Variants in FOXP1 observed in about 807,000 individuals in gnomAD.
The protein encoded by FOXP1 is forkhead box protein P1.
In FOXP1, 15 loss-of-function variants were observed where a neutral mutation model predicts 98.2. The ratio of observed to expected loss-of-function variants is 0.15; its 90% CI spans 0.10 to 0.24. The LOEUF is 0.24. FOXP1 is among the 10% of genes least tolerant of loss of function. FOXP1 has a pLI of 1.00. For synonymous variants in FOXP1, 371 were observed against 314.5 expected, an observed-to-expected ratio of 1.18 and a Z score of -1.90; for missense variants, 633 against 848.5, an observed-to-expected ratio of 0.75 and a Z score of 3.15.
intron 2 of FOXP1, among the ~76,000 whole-genome samples, chr3:71,529,047 A>T (rs2043619386): frequency 6.6e-6 from 1 of 152,226 alleles, no homozygotes; most frequent in Admixed American, 6.5e-5. Flanking sequence ...CTCACCTTAG[A>T]ATTCAATACA....
At chr3:71,470,768 A>G (rs1412415489) in intron 3 of FOXP1, among the ~76,000 whole-genome samples, 1 of 152,196 alleles carries the variant, frequency 6.6e-6, no homozygotes, top group African/African-American at 2.4e-5. Context: ...AGAAAAGAAA[A>G]CACTGAATAT....
At chr3:71,316,684 A>G (rs1228456629) in intron 4 of FOXP1, among the ~76,000 whole-genome samples, 44 of 143,840 alleles carry the variant, frequency 3.1e-4, no homozygotes, top group Non-Finnish European at 4.7e-4. Context: ...TTTGAGATGG[A>G]GTCTTGCTCT....
chr3:71,351,942 C>T (rs538579277), intron 4 of FOXP1, among the ~76,000 whole-genome samples: 123 of 152,262 alleles, frequency 8.1e-4, no homozygotes, highest in African/African-American at 2.9e-3. Flanking sequence ...GTCCTTGTTC[C>T]TAATCAAATT....
At chr3:71,522,815 C>T (rs1027040149) in intron 2 of FOXP1, among the ~76,000 whole-genome samples, 2 of 152,106 alleles carry the variant, frequency 1.3e-5, no homozygotes, top group Admixed American at 6.5e-5. Context: ...GATGGGCCTA[C>T]CGTAAAGTCA....
At chr3:71,472,878 C>T (rs1440680315) in intron 3 of FOXP1, among the ~76,000 whole-genome samples, 1 of 152,166 alleles carries the variant, frequency 6.6e-6, no homozygotes, top group East Asian at 1.9e-4. Flanking sequence ...CACATGCAGG[C>T]ATTGCACTCC....
At chr3:71,554,219 T>G (rs2045964559) in intron 2 of FOXP1, among the ~76,000 whole-genome samples, 1 of 152,106 alleles carries the variant, frequency 6.6e-6, no homozygotes, top group South Asian at 2.1e-4. Context: ...GCAGGCATGG[T>G]GGTGCACACT....
At chr3:71,064,248 A>T (rs917991689) in intron 7 of FOXP1, among the ~76,000 whole-genome samples, 2 of 152,168 alleles carry the variant, frequency 1.3e-5, no homozygotes, top group African/African-American at 4.8e-5. Flanking sequence ...AGCTGAAAAT[A>T]GCCTAGACAG....
chr3:71,273,333 C>T (rs2070570420), intron 5 of FOXP1, among the ~76,000 whole-genome samples: 1 of 152,196 alleles, frequency 6.6e-6, no homozygotes. Context: ...TTATGTGAAG[C>T]AGTGTCATCT....
intron 4 of FOXP1, among the ~76,000 whole-genome samples, chr3:71,316,905 C>T (rs2075113706): frequency 6.6e-6 from 1 of 152,076 alleles, no homozygotes; most frequent in Admixed American, 6.6e-5. Flanking sequence ...ATCCGCCCAC[C>T]TCAGCCTCCC....
chr3:71,203,232 C>T (rs1385808766), intron 5 of FOXP1, among the ~76,000 whole-genome samples: 2 of 152,156 alleles, frequency 1.3e-5, no homozygotes, highest in Non-Finnish European at 2.9e-5. Flanking sequence ...GTCAATGCTG[C>T]AATTGCATAG....
chr3:70,976,825 TAA>T, intron 17 of FOXP1, 114 bp downstream of exon 17: 1 of 758,904 alleles, frequency 1.3e-6, no homozygotes, highest in South Asian at 1.4e-5. Flanking sequence ...TTGGACACTT[TAA>T]GAGTATCAAA....
intron 5 of FOXP1, among the ~76,000 whole-genome samples, chr3:71,284,502 G>GT (rs1014455484): frequency 6.6e-6 from 1 of 152,158 alleles, no homozygotes; most frequent in Non-Finnish European, 1.5e-5. Flanking sequence ...GATCAAGGCT[G>GT]TAGTGAGCTA....
intron 19 of FOXP1, chr3:70,969,446 A>C (rs939133975): frequency 1.3e-5 from 2 of 152,206 alleles, no homozygotes; most frequent in Non-Finnish European, 2.9e-5. Flanking sequence ...AAACTGGGTA[A>C]ATGGCCTATC....
intron 5 of FOXP1, among the ~76,000 whole-genome samples, chr3:71,223,768 G>A (rs971575885): frequency 1.3e-5 from 2 of 151,702 alleles, no homozygotes; most frequent in Non-Finnish European, 2.9e-5. Flanking sequence ...GCTGACCAAA[G>A]GTCAGGTTCA....
intron 2 of FOXP1, among the ~76,000 whole-genome samples, chr3:71,520,544 TC>T (rs1412009356): frequency 2.6e-5 from 4 of 152,160 alleles, no homozygotes; most frequent in Non-Finnish European, 5.9e-5. Flanking sequence ...AGGGGGCCTT[TC>T]CCCCACATTT....
intron 5 of FOXP1, chr3:71,245,055 GGTTTGCATATACAGA>G (rs1256840242): frequency 2.0e-5 from 3 of 152,148 alleles, no homozygotes; most frequent in Admixed American, 6.5e-5. Context: ...CATAAAAACA[GGTTTGCATATACAGA>G]GCTCAGTGGC....
chr3:71,397,112 A>ATG (rs2081585440), intron 3 of FOXP1, among the ~76,000 whole-genome samples: 3 of 109,418 alleles, frequency 2.7e-5, no homozygotes, highest in South Asian at 2.7e-4. Context: ...ATATATATAT[A>ATG]TGTGTATATA....
intron 3 of FOXP1, among the ~76,000 whole-genome samples, chr3:71,391,990 A>G (rs922860250): frequency 1.5e-4 from 23 of 152,204 alleles, no homozygotes; most frequent in African/African-American, 5.3e-4. Context: ...CTTAATTCAG[A>G]GTGAAAAATC....
At chr3:71,272,918 G>C (rs1421837681) in intron 5 of FOXP1, among the ~76,000 whole-genome samples, 1 of 152,148 alleles carries the variant, frequency 6.6e-6, no homozygotes, top group Non-Finnish European at 1.5e-5. Flanking sequence ...TCAAGGCCAT[G>C]GTCTTCCATG....
Sources: gnomAD v4.1 joint callset for allele counts (sites outside exome capture counted in the v4.1 genomes callset) on GRCh38, gnomAD v4.1.1 for gene constraint, MANE v1.5 for transcripts, NCBI Gene and HGNC (gene_info 2026-07-23, HGNC 2026-07-21) for gene names.